Variants in NAALADL2 observed in about 807,000 individuals in gnomAD.
The protein encoded by NAALADL2 is N-acetylated alpha-linked acidic dipeptidase like 2, also known as inactive N-acetylated-alpha-linked acidic dipeptidase-like protein 2.
Under a neutral mutation model 87.2 loss-of-function variants are expected in NAALADL2, and 76 were observed. The ratio of observed to expected loss-of-function variants is 0.87; its 90% CI spans 0.72 to 1.05. The LOEUF is 1.05. Among genes scored for constraint, NAALADL2 ranks in the 50% least tolerant of loss-of-function variants. The probability of loss-of-function intolerance (pLI) is 0.00; values close to 1 mark genes in which losing one functional copy is unlikely to be tolerated. For missense variants in NAALADL2, 1,089 were observed against 945.8 expected (o/e 1.15, Z -1.99); for synonymous variants, 354 against 331.0 (o/e 1.07, Z -0.75).
chr3:175,000,829 TGAGAG>T (rs750722932), intron 1 of NAALADL2, among the ~76,000 whole-genome samples: 125 of 152,300 alleles, frequency 8.2e-4, no homozygotes, highest in African/African-American at 2.4e-3. Flanking sequence ...AAAACTACCA[TGAGAG>T]GTAAATATTA....
At chr3:174,923,428 A>C (rs1670401383) in intron 1 of NAALADL2, among the ~76,000 whole-genome samples, 2 of 152,170 alleles carry the variant, frequency 1.3e-5, no homozygotes, top group African/African-American at 4.8e-5. Context: ...ATTCTTATAC[A>C]GTAGAATTCC....
chr3:175,511,225 C>T (rs1731106791), intron 9 of NAALADL2, among the ~76,000 whole-genome samples: 1 of 152,136 alleles, frequency 6.6e-6, no homozygotes, highest in South Asian at 2.1e-4. Flanking sequence ...TTGTGAGAGA[C>T]TAAGAGCCAA....
intron 6 of NAALADL2, among the ~76,000 whole-genome samples, chr3:175,455,933 T>TG (rs1039506508): frequency 6.6e-6 from 1 of 152,004 alleles, no homozygotes; most frequent in African/African-American, 2.4e-5. Flanking sequence ...GTATATATAA[T>TG]GGGACAAATA....
intron 11 of NAALADL2, among the ~76,000 whole-genome samples, chr3:175,706,081 T>A (rs559510596): frequency 6.6e-6 from 1 of 152,110 alleles, no homozygotes; most frequent in East Asian, 1.9e-4. Context: ...AATGACAAAA[T>A]AGACCATGAA....
At chr3:175,042,998 C>T (rs1024248892) in intron 1 of NAALADL2, among the ~76,000 whole-genome samples, 3 of 152,140 alleles carry the variant, frequency 2.0e-5, no homozygotes, top group Non-Finnish European at 4.4e-5. Context: ...GATCTCTGCA[C>T]ACACTGGCTA....
At chr3:174,715,157 A>T (rs770314751) in intron 2 of NAALADL2, among the ~76,000 whole-genome samples, 1 of 152,192 alleles carries the variant, frequency 6.6e-6, no homozygotes, top group East Asian at 1.9e-4. Context: ...AGATAAATCT[A>T]TCCAAATCCA....
chr3:174,979,540 C>G (rs1054780180), intron 1 of NAALADL2, among the ~76,000 whole-genome samples: 6 of 151,900 alleles, frequency 3.9e-5, no homozygotes, highest in South Asian at 2.1e-4. Flanking sequence ...CTGCTGGCCT[C>G]GTGATCCGCC....
intron 10 of NAALADL2, among the ~76,000 whole-genome samples, chr3:175,613,887 A>G (rs1182853207): frequency 6.6e-6 from 1 of 152,226 alleles, no homozygotes; most frequent in Non-Finnish European, 1.5e-5. Context: ...GTTATAGAAT[A>G]CAAGGATTGA....
At chr3:174,660,768 T>C (rs1361774442) in intron 2 of NAALADL2, among the ~76,000 whole-genome samples, 1 of 152,176 alleles carries the variant, frequency 6.6e-6, no homozygotes, top group Non-Finnish European at 1.5e-5. Context: ...TTTGCCTTAT[T>C]ATTAAAGCTG....
chr3:174,944,582 G>A (rs531809773), intron 1 of NAALADL2, among the ~76,000 whole-genome samples: 15 of 152,224 alleles, frequency 9.9e-5, no homozygotes, highest in African/African-American at 3.6e-4. Context: ...TTTCCTAGGG[G>A]TATGAGGATC....
At chr3:175,554,771 TTAAGA>T (rs1464536480) in intron 9 of NAALADL2, among the ~76,000 whole-genome samples, 1 of 152,138 alleles carries the variant, frequency 6.6e-6, no homozygotes, top group Non-Finnish European at 1.5e-5. Flanking sequence ...CATATTTAAC[TTAAGA>T]TAAAAAATAC....
At position 174,510,698 on chromosome 3, in the gene NAALADL2, ATTTCTGCTTTCACCTTTATTAT is replaced by A. The variant is rs1442189183; in HGVS notation, c.-183-39865_-183-39844del. ...TGTTTGTCCATTTTCTATTTCATAG[ATTTCTGCTTTCACCTTTATTAT>A]TTTCTTCTTTCTGTTTATTTTAGGG... On this transcript the variant is annotated intron_variant, in intron 1 of 3. Transcript: ENST00000434257. Among the ~76,000 whole-genome samples the A allele has an allele frequency of 2.0e-5, 3 of 151,236 alleles. No homozygotes were observed. The East Asian group carries it at 5.8e-4, about 29-fold the overall frequency.
intron 1 of NAALADL2, among the ~76,000 whole-genome samples, chr3:174,967,133 C>T (rs1197019841): frequency 1.3e-5 from 2 of 152,004 alleles, no homozygotes; most frequent in Admixed American, 6.6e-5. Context: ...TCTAATAAAT[C>T]GGAATGCCTG....
intron 9 of NAALADL2, among the ~76,000 whole-genome samples, chr3:175,486,209 C>G (rs1226540431): frequency 1.3e-5 from 2 of 152,180 alleles, no homozygotes; most frequent in African/African-American, 4.8e-5. Context: ...CACTGCAAGA[C>G]TACATCATAT....
In NAALADL2 at chr3:175,570,725, A is replaced by G. The variant is rs566986424; in HGVS notation, c.1654-5316A>G. ...GAAACCCTGTTTCTATCAAAAATACAAAAAATTAGCCGGGCGTGGTGGCGG... is the reference window on the plus strand; with the variant it reads ...GAAACCCTGTTTCTATCAAAAATACGAAAAATTAGCCGGGCGTGGTGGCGG... On this transcript the variant is annotated intron_variant, in intron 9 of 13. Coordinates refer to ENST00000454872, the MANE Select transcript of NAALADL2 (RefSeq NM_207015.3). Among the ~76,000 whole-genome samples, 6 of 151,998 alleles carry G rather than the reference A, an allele frequency of 3.9e-5. No individual in the cohort carries two copies. The East Asian group carries it at 1.2e-3, about 30-fold the overall frequency.
intron 13 of NAALADL2, among the ~76,000 whole-genome samples, chr3:175,758,362 C>T (rs957797952): frequency 1.1e-4 from 17 of 151,692 alleles, no homozygotes; most frequent in African/African-American, 3.4e-4. Context: ...CCGTTCTTTT[C>T]CTTAGCTCTA....
rs916879895 is a variant in NAALADL2, at chr3:175,546,523, C to T, written c.1654-29518C>T. On this transcript the variant is annotated intron_variant, in intron 9 of 13. Transcript: ENST00000454872. ...CGTGTGTTTTTGTAGTTTATGGTAA[C>T]GGTATTTACTTTCCATTTTTAGTGC... 2.0e-4 allele frequency among the ~76,000 whole-genome samples: 31 copies of T among 152,104 alleles called. 1 individual carries two copies. The highest frequency in any genetic ancestry group is 7.9e-4 in the Admixed American group (12 of 15,272).
intron 1 of NAALADL2, among the ~76,000 whole-genome samples, chr3:174,916,690 A>G (rs1164046806): frequency 6.6e-6 from 1 of 152,058 alleles, no homozygotes; most frequent in South Asian, 2.1e-4. Context: ...TAAGAGTGAT[A>G]TAATGGACTT....
intron 1 of NAALADL2, among the ~76,000 whole-genome samples, chr3:174,973,339 T>A (rs1038223383): frequency 5.3e-5 from 8 of 152,220 alleles, no homozygotes; most frequent in African/African-American, 1.9e-4. Context: ...GAATTTTGGT[T>A]AAATTAAGAT....
Sources: allele counts gnomAD v4.1 joint callset (sites outside exome capture counted in the v4.1 genomes callset), GRCh38; gene constraint gnomAD v4.1.1; transcripts MANE v1.5; gene names NCBI Gene and HGNC (gene_info 2026-07-23, HGNC 2026-07-21).